The following SYT1 variants were observed in gnomAD, a reference collection of about 807,000 sequenced individuals.
SYT1 encodes synaptotagmin 1, also known as synaptotagmin-1.
SYT1 carries 8 observed loss-of-function variants against 44.8 expected under a neutral mutation model. The ratio of observed to expected loss-of-function variants is 0.18; its 90% CI spans 0.10 to 0.32. The LOEUF is 0.32. SYT1 is among the 10% of genes least tolerant of loss of function. SYT1 has a pLI of 1.00. For missense variants in SYT1, 286 were observed against 509.3 expected (o/e 0.56, Z 4.22); for synonymous variants, 154 against 188.8 (o/e 0.82, Z 1.51).
chr12:78,925,058 G>T (rs1877227713), intron 1 of SYT1, among the ~76,000 whole-genome samples: 1 of 151,288 alleles, frequency 6.6e-6, no homozygotes, highest in Non-Finnish European at 1.5e-5. Flanking sequence ...ACATGTTTAT[G>T]AGTATATGTG....
At chr12:79,218,980 A>G (rs1378217110) in intron 4 of SYT1, among the ~76,000 whole-genome samples, 1 of 152,148 alleles carries the variant, frequency 6.6e-6, no homozygotes, top group Non-Finnish European at 1.5e-5. Flanking sequence ...ATTCCCACCA[A>G]CAGTGTGCAA....
intron 2 of SYT1, among the ~76,000 whole-genome samples, chr12:79,038,845 T>C (rs1873316307): frequency 6.6e-6 from 1 of 151,996 alleles, no homozygotes; most frequent in Non-Finnish European, 1.5e-5. Context: ...CTCAGCACTA[T>C]GCTACCGAAG....
chr12:79,072,903 T>C (rs983749119), intron 3 of SYT1, among the ~76,000 whole-genome samples: 1 of 152,076 alleles, frequency 6.6e-6, no homozygotes, highest in African/African-American at 2.4e-5. Context: ...TAGCTTAAAT[T>C]CTAGGTGAAG....
At chr12:79,386,578 C>T (rs1359791678) in intron 9 of SYT1, among the ~76,000 whole-genome samples, 1 of 152,080 alleles carries the variant, frequency 6.6e-6, no homozygotes, top group Admixed American at 6.5e-5. Flanking sequence ...TCAACTCCCA[C>T]TTACTAGTTT....
intron 3 of SYT1, among the ~76,000 whole-genome samples, chr12:79,049,409 T>G (rs2137779352): frequency 6.6e-6 from 1 of 152,014 alleles, no homozygotes; most frequent in South Asian, 2.1e-4. Flanking sequence ...AATCTCAGAT[T>G]TTAATTACCT....
At chr12:79,018,375 G>A (rs1054771028) in intron 2 of SYT1, among the ~76,000 whole-genome samples, 3 of 151,596 alleles carry the variant, frequency 2.0e-5, no homozygotes, top group African/African-American at 7.3e-5. Flanking sequence ...GATAGCATTA[G>A]GAGATATACC....
intron 2 of SYT1, among the ~76,000 whole-genome samples, chr12:79,016,075 C>A (rs1214500687): frequency 1.3e-5 from 2 of 152,136 alleles, no homozygotes; most frequent in Non-Finnish European, 2.9e-5. Context: ...TCAGCTAATA[C>A]AACTGAGATC....
chr12:78,959,857 A>G (rs1592606447), intron 1 of SYT1, among the ~76,000 whole-genome samples: 1 of 152,288 alleles, frequency 6.6e-6, no homozygotes, highest in East Asian at 1.9e-4. Context: ...ATGTTATGCC[A>G]TGATCAGAAG....
At chr12:79,190,180 A>C (rs1422243305) in intron 3 of SYT1, among the ~76,000 whole-genome samples, 1 of 152,148 alleles carries the variant, frequency 6.6e-6, no homozygotes, top group East Asian at 1.9e-4. Context: ...TTCTTTTCCG[A>C]ACTTGCCAGA....
chr12:78,997,840 A>G (rs1870481341), intron 2 of SYT1, among the ~76,000 whole-genome samples: 1 of 152,244 alleles, frequency 6.6e-6, no homozygotes, highest in East Asian at 1.9e-4. Context: ...ATGGAAAGAG[A>G]ACCACTGCTT....
At chr12:79,359,997 A>G (rs981619482) in intron 9 of SYT1, among the ~76,000 whole-genome samples, 4 of 152,120 alleles carry the variant, frequency 2.6e-5, no homozygotes, top group African/African-American at 9.7e-5. Flanking sequence ...GATTTCAAGG[A>G]CTAATTCAAA....
chr12:78,918,938 T>A lies in SYT1; in HGVS notation c.-217+53829T>A, dbSNP rs189770998. On this transcript the variant is annotated intron_variant, in intron 1 of 10. Transcript: ENST00000261205. ...GTATATTGTTACCTCATTTTTAAAT[T>A]CTTAACTAATTTATTTGGAAAGAAA... 2.0e-3 allele frequency among the ~76,000 whole-genome samples: 303 copies of A among 152,220 alleles called. 2 individuals are homozygous for A. The highest frequency in any genetic ancestry group is 7.0e-3 in the African/African-American group (289 of 41,566).
At chr12:79,059,821 A>G (rs777536407) in intron 3 of SYT1, among the ~76,000 whole-genome samples, 2 of 152,072 alleles carry the variant, frequency 1.3e-5, no homozygotes, top group Non-Finnish European at 2.9e-5. Flanking sequence ...TCCCTGCTGC[A>G]TGCTTCCCAT....
At chr12:79,121,163 C>T (rs1174243803) in intron 3 of SYT1, among the ~76,000 whole-genome samples, 1 of 151,934 alleles carries the variant, frequency 6.6e-6, no homozygotes, top group Non-Finnish European at 1.5e-5. Context: ...CTTCTGTCTT[C>T]CTTCTCCTCT....
intron 8 of SYT1, among the ~76,000 whole-genome samples, chr12:79,351,627 A>G (rs576134946): frequency 1.3e-5 from 2 of 152,016 alleles, no homozygotes; most frequent in East Asian, 3.9e-4. Context: ...GTTCAGATAA[A>G]TTTGTCCATA....
At chr12:79,056,924 T>C (rs1029374838) in intron 3 of SYT1, among the ~76,000 whole-genome samples, 2 of 152,028 alleles carry the variant, frequency 1.3e-5, no homozygotes, top group Admixed American at 1.3e-4. Context: ...AGTGGTTTTG[T>C]TGTTTGAGTC....
intron 1 of SYT1, among the ~76,000 whole-genome samples, chr12:78,888,932 T>C (rs902095844): frequency 4.6e-5 from 7 of 151,936 alleles, no homozygotes; most frequent in African/African-American, 1.7e-4. Flanking sequence ...TGGTGACAAA[T>C]CTTTACCAGA....
At chr12:79,343,492 A>C (rs1001367547) in intron 8 of SYT1, among the ~76,000 whole-genome samples, 4 of 152,230 alleles carry the variant, frequency 2.6e-5, no homozygotes, top group African/African-American at 9.7e-5. Context: ...AGTGAGGCAC[A>C]GAAGAGAAAG....
intron 9 of SYT1, among the ~76,000 whole-genome samples, chr12:79,365,251 C>T (rs956917930): frequency 6.6e-6 from 1 of 151,926 alleles, no homozygotes; most frequent in African/African-American, 2.4e-5. Context: ...TTATTTTTAA[C>T]CTACCAATAT....
Sources: gnomAD v4.1 joint callset for allele counts (sites outside exome capture counted in the v4.1 genomes callset) on GRCh38, gnomAD v4.1.1 for gene constraint, MANE v1.5 for transcripts, NCBI Gene and HGNC (gene_info 2026-07-23, HGNC 2026-07-21) for gene names.